The following CCAR2 variants were observed in gnomAD, a reference collection of about 807,000 sequenced individuals.
CCAR2 encodes cell cycle and apoptosis regulator protein 2.
CCAR2 carries 21 observed loss-of-function variants against 108.1 expected under a neutral mutation model. That is an observed-to-expected ratio of 0.19 (90% CI 0.14 to 0.28). The LOEUF is 0.28. Among genes scored for constraint, CCAR2 ranks in the 10% least tolerant of loss-of-function variants. The probability of loss-of-function intolerance (pLI) is 1.00; values close to 1 mark genes in which losing one functional copy is unlikely to be tolerated. For missense variants in CCAR2, 1,126 were observed against 1,177.0 expected, an observed-to-expected ratio of 0.96 and a Z score of 0.63; for synonymous variants, 577 against 472.8, an observed-to-expected ratio of 1.22 and a Z score of -2.86.
intron 17 of CCAR2, 53 bp downstream of exon 17, chr8:22,618,548 G>C: frequency 6.2e-7 from 1 of 1,614,010 alleles, no homozygotes; most frequent in Non-Finnish European, 8.5e-7. Context: ...ACTTACTCCT[G>C]CTCTAGGTTC....
rs773723993 is a variant in CCAR2, at chr8:22,615,475, T to C, written c.1256T>C (p.Leu419Pro). ...QYLQPGPPRR[L>P]QTVVVYLPDV... ...CTGCAGCCGGGACCCCCCCGGCGGC[T>C]TCAGACAGTGGTGGTGTACCTGCCG... Residue 419 changes from leucine (L) to proline (P), a missense_variant, in exon 12 of 21, where the codon CTT (leucine) becomes CCT (proline). Transcript: ENST00000308511. 1.7e-5 allele frequency: 28 copies of C among 1,613,796 alleles called. No individual in the cohort carries two copies. The highest frequency in any genetic ancestry group is 2.4e-5 in the Non-Finnish European group (28 of 1,179,992).
In CCAR2 at chr8:22,605,729, A is replaced by G. The variant is rs377252239; in HGVS notation, c.-38-7A>G. On this transcript the variant is annotated splice_polypyrimidine_tract_variant and splice_region_variant and intron_variant, in intron 1 of 20. Transcript: ENST00000308511. ...AAGCTGTTAATTTCTTTCTTTTTGG[A>G]TTGAAGCCTTTTCCCCACGACTCTG... is the stretch of plus-strand genomic sequence containing the variant. The G allele has an allele frequency of 1.2e-5, 19 of 1,547,072 alleles. No individual in the cohort carries two copies. Among genetic ancestry groups the G allele is most frequent in the Non-Finnish European group, 1.6e-5 (18 of 1,124,364 alleles).
chr8:22,618,546 C>T (rs772659228), intron 17 of CCAR2, 51 bp downstream of exon 17: 3 of 1,614,072 alleles, frequency 1.9e-6, no homozygotes, highest in Non-Finnish European at 1.7e-6. Context: ...GCACTTACTC[C>T]TGCTCTAGGT....
chr8:22,610,498 C>T (rs558802539), intron 7 of CCAR2, among the ~76,000 whole-genome samples: 1 of 152,340 alleles, frequency 6.6e-6, no homozygotes, highest in East Asian at 1.9e-4. Flanking sequence ...ACACAGTGTA[C>T]AGCGTTGAGT....
At chr8:22,617,335 T>C in intron 14 of CCAR2, 85 bp from the exon 15 acceptor site, 1 of 1,471,624 alleles carries the variant, frequency 6.8e-7, no homozygotes, top group Admixed American at 2.4e-5. Context: ...GGGGCATAGT[T>C]GATACTCAGG....
At chr8:22,606,059 T>C in intron 2 of CCAR2, 26 bp from the exon 3 acceptor site, 1 of 1,598,916 alleles carries the variant, frequency 6.3e-7, no homozygotes, top group Non-Finnish European at 8.6e-7. Context: ...GGGCGGTTCC[T>C]GGAGATTGCT....
In CCAR2 at chr8:22,620,037, G is replaced by T. The variant is rs200824128; in HGVS notation, c.*355G>T. ...AAGACAGGGGAGAAAAAGGCTTTTC[G>T]AGTGTGGGACAAGGTCTGATGTCAG... On this transcript the variant is annotated 3_prime_UTR_variant, in exon 21 of 21. Transcript: ENST00000308511. 3.5e-6 allele frequency: 1 copy of T among 285,020 alleles called. No homozygotes were observed. Among genetic ancestry groups the T allele is most frequent in the Non-Finnish European group, 6.9e-6 (1 of 145,966 alleles). 17.7% of individuals were successfully genotyped at this position (285,020 alleles called of 1,614,324 possible).
At position 22,606,663 on chromosome 8, in the gene CCAR2, T is replaced by A; in HGVS notation, c.207T>A (p.Phe69Leu). ...TGIVTSLHDY[F>L]GVVDEEVFFQ... ...TTGTTACCAGCTTGCATGACTACTTTGGGGTTGTGGATGAAGAGGTCTTTT... is the reference window on the plus strand; with the variant it reads ...TTGTTACCAGCTTGCATGACTACTTAGGGGTTGTGGATGAAGAGGTCTTTT... The change falls in exon 4 of 21, where the codon TTT becomes TTA. Residue 69 changes from phenylalanine (F) to leucine (L), a missense_variant. Phe to Leu is a conservative substitution (Grantham distance 22). Transcript: ENST00000308511. 1 of 1,614,198 alleles carries A rather than the reference T, an allele frequency of 6.2e-7. No homozygotes were observed. Among genetic ancestry groups the A allele is most frequent in the Non-Finnish European group, 8.5e-7 (1 of 1,180,022 alleles).
In CCAR2 at chr8:22,618,936, C is replaced by T. The variant is rs149738749; in HGVS notation, c.2442C>T (p.Ser814=). The T allele has an allele frequency of 8.1e-6, 13 of 1,613,632 alleles. No homozygotes were observed. The African/African-American group carries it at 1.6e-4, about 20-fold the overall frequency. The change falls in exon 19 of 21, where the codon AGC becomes AGT. Residue 814 remains serine, a synonymous_variant. Coordinates refer to ENST00000308511, the MANE Select transcript of CCAR2 (RefSeq NM_001393997.1). The stretch of plus-strand genomic sequence containing the variant: ...ATGGCAGCCTGATTAACGTGGGGAG[C>T]CTGCTGCAGCGCGCGGAGCAGCAGG... ...SHNGSLINVG[S]LLQRAEQQDS...
chr8:22,615,802 G>T lies in CCAR2; in HGVS notation c.1498G>T (p.Ala500Ser). 1 of 1,613,956 alleles carries T rather than the reference G, an allele frequency of 6.2e-7. No homozygotes were observed. The highest frequency in any genetic ancestry group is 2.2e-5 in the East Asian group (1 of 44,872). ...QQETDTDLPE[A>S]PPPPLEPAVI... is the part of the protein sequence containing the mutation. ...GGAAACGGACACTGATCTCCCAGAGGCCCCTCCACCCCCCCTAGAACCTGC... is the reference window on the plus strand; with the variant it reads ...GGAAACGGACACTGATCTCCCAGAGTCCCCTCCACCCCCCCTAGAACCTGC... Residue 500 changes from alanine to serine, a missense_variant, in exon 13 of 21, where the codon GCC (alanine) becomes TCC (serine). Ala to Ser is a moderately conservative substitution (Grantham distance 99). This residue lies in a region of CCAR2 where 1,013 missense variants were observed against 993.9 expected (regional missense o/e 1.02). Coordinates refer to ENST00000308511, the MANE Select transcript of CCAR2 (RefSeq NM_001393997.1).
intron 1 of CCAR2, chr8:22,605,171 G>C (rs1801018346): frequency 5.2e-6 from 1 of 192,958 alleles, no homozygotes. Flanking sequence ...CGTTTGGTCG[G>C]CCAGGGAGCT....
downstream of CCAR2, chr8:22,620,838 C>G (rs914517307): frequency 1.3e-5 from 2 of 152,396 alleles, no homozygotes; most frequent in African/African-American, 4.8e-5. Flanking sequence ...AGCTTGCGTT[C>G]CCGAGGTACC....
At chr8:22,610,567 A>C (rs1801233614) in intron 7 of CCAR2, among the ~76,000 whole-genome samples, 1 of 152,258 alleles carries the variant, frequency 6.6e-6, no homozygotes, top group Non-Finnish European at 1.5e-5. Flanking sequence ...GAGTTGTCAA[A>C]GTGGCTTTGG....
intron 11 of CCAR2, 171 bp from the exon 12 acceptor site, chr8:22,615,254 C>T: frequency 1.1e-6 from 1 of 929,648 alleles, no homozygotes; most frequent in Non-Finnish European, 1.6e-6. Context: ...TCCCCACTGA[C>T]TGATCATTTC....
intron 7 of CCAR2, among the ~76,000 whole-genome samples, chr8:22,610,863 G>A (rs567725851): frequency 1.4e-4 from 21 of 152,244 alleles, no homozygotes; most frequent in African/African-American, 5.1e-4. Context: ...GACATGGGGG[G>A]TTTTCCCCTT....
chr8:22,614,421 A>T lies in CCAR2; in HGVS notation c.959A>T (p.Glu320Val), dbSNP rs749739701. The T allele has an allele frequency of 1.9e-6, 3 of 1,614,068 alleles. No individual in the cohort carries two copies. The South Asian group carries it at 3.3e-5, about 18-fold the overall frequency. ...CTGCTCTCTTCCCCGGGGTTGGAGGAATTGTATCGTTGTTGCATGCTCTTT... is the reference window on the plus strand; with the variant it reads ...CTGCTCTCTTCCCCGGGGTTGGAGGTATTGTATCGTTGTTGCATGCTCTTT... ...VLLLSSPGLE[E>V]LYRCCMLFVD... is the part of the protein sequence containing the mutation. The change falls in exon 10 of 21, where the codon GAA becomes GTA. Residue 320 changes from glutamate to valine, a missense_variant. Glu to Val is a moderately radical substitution (Grantham distance 121, BLOSUM62 -2). This residue lies in a region of CCAR2 where 1,013 missense variants were observed against 993.9 expected (regional missense o/e 1.02). Coordinates refer to ENST00000308511, the MANE Select transcript of CCAR2 (RefSeq NM_001393997.1).
At position 22,618,964 on chromosome 8, in the gene CCAR2, A is replaced by G. The variant is rs374430199; in HGVS notation, c.2470A>G (p.Ser824Gly). 8.1e-6 allele frequency: 13 copies of G among 1,613,304 alleles called. No individual in the cohort carries two copies. Among genetic ancestry groups the G allele is most frequent in the South Asian group, 1.1e-5 (1 of 91,082 alleles). ...SLLQRAEQQD[S>G]GRLYLENKIH... ...GCTGCAGCGCGCGGAGCAGCAGGAC[A>G]GCGGCCGGCTCTACCTAGAGAACAA... Residue 824 changes from serine (S) to glycine (G), a missense_variant, in exon 19 of 21, where the codon AGC (serine) becomes GGC (glycine). This residue lies in a region of CCAR2 where 1,013 missense variants were observed against 993.9 expected (regional missense o/e 1.02). Coordinates refer to ENST00000308511, the MANE Select transcript of CCAR2 (RefSeq NM_001393997.1).
At chr8:22,609,755 C>T (rs557980081) in intron 7 of CCAR2, among the ~76,000 whole-genome samples, 2 of 152,290 alleles carry the variant, frequency 1.3e-5, no homozygotes, top group East Asian at 3.9e-4. Context: ...CTGCCGTGGA[C>T]TTTCTGCTTT....
chr8:22,612,804 A>G, intron 7 of CCAR2: 1 of 500,628 alleles, frequency 2.0e-6, no homozygotes, highest in South Asian at 2.8e-5. Context: ...AATGTTGCAG[A>G]GTGTGCTTTT....
Sources: allele counts gnomAD v4.1 joint callset (sites outside exome capture counted in the v4.1 genomes callset), GRCh38; gene constraint gnomAD v4.1.1; regional missense constraint gnomAD v4.1.1; transcripts MANE v1.5; gene names NCBI Gene and HGNC (gene_info 2026-07-23, HGNC 2026-07-21).